The following PLD5 variants were observed in gnomAD, a reference collection of about 807,000 sequenced individuals.
PLD5 encodes phospholipase D family member 5.
Under a neutral mutation model 61.1 loss-of-function variants are expected in PLD5, and 36 were observed. That is an observed-to-expected ratio of 0.59 (90% confidence interval 0.45 to 0.78). The LOEUF (loss-of-function observed/expected upper bound fraction) is 0.78. Ranked by LOEUF, PLD5 falls within the 30% of genes least tolerant of loss-of-function variation. The pLI, the probability that PLD5 is intolerant of heterozygous loss-of-function variation, is 0.00. For synonymous variants in PLD5, 243 were observed against 242.8 expected (o/e 1.00, Z -0.01); for missense variants, 515 against 644.4 (o/e 0.80, Z 2.17).
intron 1 of PLD5, among the ~76,000 whole-genome samples, chr1:242,420,606 G>C (rs569033479): frequency 2.0e-5 from 3 of 152,184 alleles, no homozygotes; most frequent in Admixed American, 6.5e-5. Flanking sequence ...ACTAAGGATT[G>C]CAAGGATATA....
Position 242,307,764 on chromosome 1 carries a change from A to G in PLD5, c.327-19234T>C, listed in dbSNP as rs570106943. Among the ~76,000 whole-genome samples, 4 of 152,106 alleles carry G rather than the reference A, an allele frequency of 2.6e-5. No individual in the cohort carries two copies. In the East Asian group the frequency reaches 5.8e-4, roughly 22 times the overall value. On this transcript the variant is annotated intron_variant, in intron 2 of 9. Transcript: ENST00000536534. ...GCTTCTCCTTTGTTCTCCTTTTGCT[A>G]TCTAATAAAACGTATTGATTGTCAC...
intron 1 of PLD5, among the ~76,000 whole-genome samples, chr1:242,393,930 C>T (rs1169715985): frequency 4.6e-4 from 66 of 142,780 alleles, no homozygotes; most frequent in East Asian, 1.7e-3. Context: ...TGTGGGGGTG[C>T]GTGCCTGTAA....
intron 1 of PLD5, among the ~76,000 whole-genome samples, chr1:242,510,330 C>A (rs1392986484): frequency 2.0e-5 from 3 of 152,156 alleles, no homozygotes; most frequent in Non-Finnish European, 2.9e-5. Context: ...ACAGACCACT[C>A]ATGCTGGAAA....
rs932191991 is a variant in PLD5 at position 242,438,453 on chromosome 1, T to C, written c.189+85635A>G. 1.2e-4 allele frequency among the ~76,000 whole-genome samples: 18 copies of C among 148,080 alleles called. No individual in the cohort carries two copies. In the East Asian group the frequency reaches 2.2e-3, roughly 18 times the overall value. On this transcript the variant is annotated intron_variant, in intron 1 of 9. Coordinates refer to ENST00000536534, the MANE Select transcript of PLD5 (RefSeq NM_001372062.1). ...TAATTTTTTTTCTTTTTTTTTTTTTTTTTTTTTTGAGATGGAGTTTCACTC... is the reference window on the plus strand; with the variant it reads ...TAATTTTTTTTCTTTTTTTTTTTTTCTTTTTTTTGAGATGGAGTTTCACTC...
At chr1:242,179,338 G>A (rs1667370430) in intron 5 of PLD5, among the ~76,000 whole-genome samples, 1 of 152,188 alleles carries the variant, frequency 6.6e-6, no homozygotes, top group Non-Finnish European at 1.5e-5. Context: ...CTTGTCTGCA[G>A]GGAATTTAAA....
At chr1:242,123,725 C>A (rs1467958915) in intron 6 of PLD5, among the ~76,000 whole-genome samples, 1 of 152,156 alleles carries the variant, frequency 6.6e-6, no homozygotes, top group African/African-American at 2.4e-5. Flanking sequence ...GGGCATTGAA[C>A]AAAACGATGT....
chr1:242,168,272 C>T (rs1333893756), intron 5 of PLD5, among the ~76,000 whole-genome samples: 1 of 152,140 alleles, frequency 6.6e-6, no homozygotes, highest in Non-Finnish European at 1.5e-5. Context: ...AAATTGTTTT[C>T]ATTTAATGAA....
At chr1:242,414,971 A>G (rs1385284226) in intron 1 of PLD5, among the ~76,000 whole-genome samples, 2 of 152,248 alleles carry the variant, frequency 1.3e-5, no homozygotes, top group Non-Finnish European at 1.5e-5. Flanking sequence ...AAGCAAATAA[A>G]TGCAAATCTC....
intron 5 of PLD5, among the ~76,000 whole-genome samples, chr1:242,141,898 C>T (rs1435701668): frequency 2.0e-5 from 3 of 152,224 alleles, no homozygotes; most frequent in Non-Finnish European, 2.9e-5. Flanking sequence ...CCTCAATAAT[C>T]TTGCATCTCC....
chr1:242,307,265 C>T (rs368726951), intron 2 of PLD5, among the ~76,000 whole-genome samples: 3,719 of 119,864 alleles, frequency 0.031, 124 homozygotes, highest in African/African-American at 0.094. Flanking sequence ...TGGTCAAAAT[C>T]ATGAACACTA....
chr1:242,255,197 A>G (rs1672945304), intron 4 of PLD5, among the ~76,000 whole-genome samples: 1 of 152,046 alleles, frequency 6.6e-6, no homozygotes, highest in African/African-American at 2.4e-5. Context: ...TGAAATGTTC[A>G]GCCTCCTTAA....
chr1:242,328,376 T>C, intron 2 of PLD5, among the ~76,000 whole-genome samples: 1 of 152,204 alleles, frequency 6.6e-6, no homozygotes. Context: ...GTGTTCTACA[T>C]GTGTTCACAC....
intron 1 of PLD5, among the ~76,000 whole-genome samples, chr1:242,455,625 T>G (rs985354136): frequency 1.3e-5 from 2 of 152,312 alleles, no homozygotes; most frequent in Non-Finnish European, 2.9e-5. Context: ...ATCCTTCAAT[T>G]TGTAGGCAAT....
At chr1:242,183,712 G>A (rs1004896966) in intron 5 of PLD5, among the ~76,000 whole-genome samples, 2 of 152,078 alleles carry the variant, frequency 1.3e-5, no homozygotes, top group South Asian at 4.1e-4. Context: ...TGGCTAACAC[G>A]GTGAAACCCG....
At chr1:242,164,427 T>A (rs1666149789) in intron 5 of PLD5, among the ~76,000 whole-genome samples, 1 of 152,042 alleles carries the variant, frequency 6.6e-6, no homozygotes, top group East Asian at 1.9e-4. Flanking sequence ...TCTCCAGTAT[T>A]GTTCTTGAAG....
At position 242,460,417 on chromosome 1, in the gene PLD5, C is replaced by T. The variant is rs547670926; in HGVS notation, c.189+63671G>A. On this transcript the variant is annotated intron_variant, in intron 1 of 9. Coordinates refer to ENST00000536534, the MANE Select transcript of PLD5 (RefSeq NM_001372062.1). ...ACAAAGAGAGAGCCCCGTTGCATTGCGGGCTGCTGGCCAGATCCCGCAATA... is the reference window on the plus strand; with the variant it reads ...ACAAAGAGAGAGCCCCGTTGCATTGTGGGCTGCTGGCCAGATCCCGCAATA... Among the ~76,000 whole-genome samples the T allele has an allele frequency of 1.6e-4, 24 of 152,252 alleles. No homozygotes were observed. In the East Asian group the frequency reaches 4.6e-3, roughly 29 times the overall value.
At chr1:242,502,157 T>TAA (rs1668574868) in intron 1 of PLD5, among the ~76,000 whole-genome samples, 1 of 152,280 alleles carries the variant, frequency 6.6e-6, no homozygotes, top group East Asian at 1.9e-4. Flanking sequence ...CATCTAACTC[T>TAA]TGTTAGACCT....
At chr1:242,178,573 T>A (rs1018371136) in intron 5 of PLD5, among the ~76,000 whole-genome samples, 5 of 152,220 alleles carry the variant, frequency 3.3e-5, no homozygotes, top group Admixed American at 3.3e-4. Context: ...GAAGACAAGA[T>A]GGTGTTGTTG....
chr1:242,508,943 TG>T (rs763447292), intron 1 of PLD5, among the ~76,000 whole-genome samples: 1 of 152,016 alleles, frequency 6.6e-6, no homozygotes. Flanking sequence ...TAGCCAGGCA[TG>T]GTGGTGCATG....
Sources: gnomAD v4.1 joint callset for allele counts (sites outside exome capture counted in the v4.1 genomes callset) on GRCh38, gnomAD v4.1.1 for gene constraint, MANE v1.5 for transcripts, NCBI Gene and HGNC (gene_info 2026-07-23, HGNC 2026-07-21) for gene names.